Variants in PRKCE observed in about 807,000 individuals in gnomAD.
PRKCE encodes protein kinase C epsilon type.
A neutral mutation model predicts 85.4 loss-of-function variants in PRKCE; 16 were observed. The ratio of observed to expected loss-of-function variants is 0.19; its 90% CI spans 0.13 to 0.28. The LOEUF is 0.28. PRKCE is among the 10% of genes least tolerant of loss of function. PRKCE has a pLI of 1.00. For synonymous variants in PRKCE, 388 were observed against 371.5 expected, an observed-to-expected ratio of 1.04 and a Z score of -0.51; for missense variants, 573 against 975.2, an observed-to-expected ratio of 0.59 and a Z score of 5.49.
chr2:45,957,385 AC>A (rs1701042777), intron 2 of PRKCE, among the ~76,000 whole-genome samples: 1 of 152,210 alleles, frequency 6.6e-6, no homozygotes, highest in Non-Finnish European at 1.5e-5. Context: ...TTCTCCATTC[AC>A]TTGCCTTTGC....
At chr2:46,003,690 C>G (rs1210905483) in intron 7 of PRKCE, among the ~76,000 whole-genome samples, 1 of 152,148 alleles carries the variant, frequency 6.6e-6, no homozygotes, top group Non-Finnish European at 1.5e-5. Context: ...CATGAGATAA[C>G]TTGCATTGCT....
intron 10 of PRKCE, among the ~76,000 whole-genome samples, chr2:46,022,205 G>T (rs1253263364): frequency 6.6e-6 from 1 of 152,188 alleles, no homozygotes; most frequent in African/African-American, 2.4e-5. Context: ...ACTGATGCTT[G>T]CTCTGAGACA....
At chr2:45,899,482 G>T (rs1309662813) in intron 2 of PRKCE, among the ~76,000 whole-genome samples, 1 of 151,668 alleles carries the variant, frequency 6.6e-6, no homozygotes, top group Non-Finnish European at 1.5e-5. Flanking sequence ...CCTAGGCTCA[G>T]ATGATCTCCC....
chr2:45,863,619 G>A (rs534724550), intron 2 of PRKCE, among the ~76,000 whole-genome samples: 72 of 152,210 alleles, frequency 4.7e-4, no homozygotes, highest in Admixed American at 9.2e-4. Flanking sequence ...AGAAATAGGC[G>A]TTTAAGCAGA....
chr2:45,665,642 T>C (rs2103787535), intron 1 of PRKCE, among the ~76,000 whole-genome samples: 1 of 152,338 alleles, frequency 6.6e-6, no homozygotes, highest in East Asian at 1.9e-4. Context: ...AGCCCAGAGT[T>C]GCCAGAGGAA....
chr2:45,761,648 G>T (rs1684511606), intron 1 of PRKCE, among the ~76,000 whole-genome samples: 1 of 152,070 alleles, frequency 6.6e-6, no homozygotes, highest in Non-Finnish European at 1.5e-5. Context: ...TCTGGCCTGG[G>T]TCTCTCCCTC....
At chr2:45,923,550 A>G (rs1325256619) in intron 2 of PRKCE, among the ~76,000 whole-genome samples, 2 of 152,228 alleles carry the variant, frequency 1.3e-5, no homozygotes, top group African/African-American at 4.8e-5. Flanking sequence ...GTTTCTGTCA[A>G]CCAGCCAGGT....
intron 13 of PRKCE, among the ~76,000 whole-genome samples, chr2:46,152,218 A>G (rs2104530819): frequency 6.6e-6 from 1 of 151,610 alleles, no homozygotes; most frequent in African/African-American, 2.4e-5. Context: ...GTCTCACTGC[A>G]ATGGCCAGGC....
chr2:45,931,240 A>G (rs1033747597), intron 2 of PRKCE, among the ~76,000 whole-genome samples: 1 of 152,232 alleles, frequency 6.6e-6, no homozygotes, highest in African/African-American at 2.4e-5. Context: ...GTGTATTGCT[A>G]TTAAGCAAAT....
chr2:45,745,940 C>A (rs1228201345), intron 1 of PRKCE, among the ~76,000 whole-genome samples: 2 of 152,218 alleles, frequency 1.3e-5, no homozygotes, highest in African/African-American at 4.8e-5. Context: ...TCGTCACAAG[C>A]CTCTGGACTT....
chr2:45,829,922 A>T (rs1286648429), intron 1 of PRKCE, among the ~76,000 whole-genome samples: 1 of 151,316 alleles, frequency 6.6e-6, no homozygotes, highest in Non-Finnish European at 1.5e-5. Context: ...AAATACAAAA[A>T]ATTAGCCGGG....
intron 1 of PRKCE, among the ~76,000 whole-genome samples, chr2:45,689,610 C>A (rs1677569184): frequency 6.6e-6 from 1 of 151,524 alleles, no homozygotes; most frequent in Admixed American, 6.6e-5. Context: ...AAAGTAAATG[C>A]TTAAAAGTTT....
intron 1 of PRKCE, among the ~76,000 whole-genome samples, chr2:45,653,915 A>G (rs1439367387): frequency 7.2e-5 from 11 of 152,226 alleles, no homozygotes; most frequent in African/African-American, 2.7e-4. Flanking sequence ...CCCCCACAAC[A>G]GAGCTCCCAC....
chr2:45,991,565 C>T (rs549849730), intron 6 of PRKCE, among the ~76,000 whole-genome samples: 21 of 152,096 alleles, frequency 1.4e-4, no homozygotes, highest in Non-Finnish European at 2.9e-4. Flanking sequence ...GTGGATGTTC[C>T]GTAGATTGTT....
rs185241154 is a variant in PRKCE, at chr2:45,973,172, G to C, written c.413-3257G>C. On this transcript the variant is annotated intron_variant, in intron 2 of 14. Transcript: ENST00000306156. ...GAAATGCTGAAGGGATCCGTTTCTG[G>C]TGGTGGACTCCAGGCCCCAGTAGGG... 1.5e-3 allele frequency among the ~76,000 whole-genome samples: 227 copies of C among 152,328 alleles called. 2 individuals are homozygous for C. The highest frequency in any genetic ancestry group is 5.0e-3 in the African/African-American group (209 of 41,568).
At chr2:45,996,367 C>T (rs1704217756) in intron 6 of PRKCE, among the ~76,000 whole-genome samples, 1 of 151,924 alleles carries the variant, frequency 6.6e-6, no homozygotes, top group Admixed American at 6.5e-5. Context: ...TTTTTCTTGT[C>T]TTACTGCATT....
At chr2:45,681,144 C>G (rs1444293079) in intron 1 of PRKCE, among the ~76,000 whole-genome samples, 1 of 151,770 alleles carries the variant, frequency 6.6e-6, no homozygotes, top group African/African-American at 2.4e-5. Flanking sequence ...CAAAAATTAG[C>G]TGGGTGTGGT....
intron 14 of PRKCE, among the ~76,000 whole-genome samples, chr2:46,165,536 G>A (rs1678254157): frequency 6.6e-6 from 1 of 152,210 alleles, no homozygotes; most frequent in Non-Finnish European, 1.5e-5. Context: ...GAATTCACTG[G>A]TCTATCCCAT....
At position 45,774,185 on chromosome 2, in the gene PRKCE, C is replaced by T. The variant is rs1337030266; in HGVS notation, c.349-68815C>T. The stretch of plus-strand genomic sequence containing the variant: ...GTTCCAGGGCTGGGCTTGGCTGGGA[C>T]ATGTTGGGCTGACCACCCCTGTGGT... On this transcript the variant is annotated intron_variant, in intron 1 of 14. Transcript: ENST00000306156. This position sits in a 1 kb window ranked among gnomAD's most constrained non-coding sequence, Gnocchi z 4.3. 6.6e-6 allele frequency among the ~76,000 whole-genome samples: 1 copy of T among 152,074 alleles called. No individual in the cohort carries two copies. Among genetic ancestry groups the T allele is most frequent in the Non-Finnish European group, 1.5e-5 (1 of 68,004 alleles).
Sources: gnomAD v4.1 joint callset for allele counts (sites outside exome capture counted in the v4.1 genomes callset) on GRCh38, gnomAD v4.1.1 for gene constraint, Gnocchi (gnomAD v3.1) non-coding constraint, MANE v1.5 for transcripts, NCBI Gene and HGNC (gene_info 2026-07-23, HGNC 2026-07-21) for gene names.